The following FAM168A variants were observed in gnomAD, a reference collection of about 807,000 sequenced individuals.
FAM168A encodes family with sequence similarity 168 member A, also known as protein FAM168A.
Under a neutral mutation model 28.5 loss-of-function variants are expected in FAM168A, and 3 were observed. The observed-to-expected ratio is 0.11, with a 90% CI of 0.05 to 0.27. FAM168A has a LOEUF of 0.27. Ranked by LOEUF, FAM168A falls within the 10% of genes least tolerant of loss-of-function variation. FAM168A has a pLI of 1.00. For missense variants in FAM168A, 222 were observed against 311.5 expected (o/e 0.71, Z 2.16); for synonymous variants, 122 against 124.2 (o/e 0.98, Z 0.12).
chr11:73,561,697 G>C (rs914671843), intron 1 of FAM168A, among the ~76,000 whole-genome samples: 1 of 152,062 alleles, frequency 6.6e-6, no homozygotes, highest in Admixed American at 6.6e-5. Flanking sequence ...CATATAAGTA[G>C]AGTCATTCAC....
In FAM168A at chr11:73,406,513, G is replaced by C. The variant is rs1333865061; in HGVS notation, c.*250C>G. ...CATGGCCTGGTCAGGTAGGAGGAAG[G>C]GGATAGAGCTGGAAGGGCAGGGGCT... On this transcript the variant is annotated 3_prime_UTR_variant, in exon 8 of 8. Coordinates refer to ENST00000356467, the MANE Select transcript of FAM168A (RefSeq NM_015159.3). 4 of 152,460 alleles carry C rather than the reference G, an allele frequency of 2.6e-5. No individual in the cohort carries two copies. The highest frequency in any genetic ancestry group is 9.7e-5 in the African/African-American group (4 of 41,434). The allele number at this position is 152,460 out of a possible 1,614,324, so 9.4% of individuals were successfully genotyped here. A position where few individuals can be genotyped will look rare whatever the true frequency, so the allele number is the denominator to read the frequency against.
intron 1 of FAM168A, among the ~76,000 whole-genome samples, chr11:73,568,491 T>C (rs1003551994): frequency 1.6e-4 from 24 of 152,322 alleles, no homozygotes; most frequent in African/African-American, 5.5e-4. Context: ...GCAGGGCACA[T>C]GGAAAACCAA....
chr11:73,461,303 A>C (rs1867642914), intron 2 of FAM168A, among the ~76,000 whole-genome samples: 1 of 152,054 alleles, frequency 6.6e-6, no homozygotes, highest in South Asian at 2.1e-4. Context: ...TTTTTTATAG[A>C]GATGAGGTCT....
chr11:73,424,238 G>A (rs1426237133), intron 3 of FAM168A, among the ~76,000 whole-genome samples: 1 of 152,180 alleles, frequency 6.6e-6, no homozygotes, highest in African/African-American at 2.4e-5. Context: ...TCAATTTCCA[G>A]CATCCAAATA....
In FAM168A at chr11:73,501,970, G is replaced by A. The variant is rs923113217; in HGVS notation, c.-18-33478C>T. The stretch of plus-strand genomic sequence containing the variant: ...CAAAAAATTAGCCAGGTGTGGTGGC[G>A]GGCGCCTGTAGTCCCAGCTACTCAG... On this transcript the variant is annotated intron_variant, in intron 1 of 7. Transcript: ENST00000356467. 1.2e-4 allele frequency among the ~76,000 whole-genome samples: 19 copies of A among 152,038 alleles called. No individual in the cohort carries two copies. In the Middle Eastern group the frequency reaches 0.01, roughly 82 times the overall value.
intron 1 of FAM168A, among the ~76,000 whole-genome samples, chr11:73,475,560 T>A (rs867864577): frequency 6.6e-6 from 1 of 151,756 alleles, no homozygotes; most frequent in African/African-American, 2.4e-5. Flanking sequence ...CCAAAAGTAA[T>A]AGAAGGAGGT....
chr11:73,535,032 G>A (rs12276536), intron 1 of FAM168A, among the ~76,000 whole-genome samples: 46,992 of 152,058 alleles, frequency 0.31, 9,509 homozygotes, highest in African/African-American at 0.58. Context: ...GGATTCTTCC[G>A]GAGAATCTGA....
At chr11:73,578,147 T>C (rs565047464) in intron 1 of FAM168A, among the ~76,000 whole-genome samples, 3 of 152,288 alleles carry the variant, frequency 2.0e-5, no homozygotes, top group South Asian at 2.1e-4. Context: ...CAATGGTCCT[T>C]TGGGAAGATG....
chr11:73,428,619 T>C (rs1223525283), intron 3 of FAM168A, among the ~76,000 whole-genome samples: 1 of 152,240 alleles, frequency 6.6e-6, no homozygotes, highest in Non-Finnish European at 1.5e-5. Context: ...AAGTCATTTA[T>C]ATATCATGAT....
rs56294455 is a variant in FAM168A at position 73,445,419 on chromosome 11, C to CTTTTTTTTTTTTTTTTTT, written c.71-14667_71-14650dup. Among the ~76,000 whole-genome samples the CTTTTTTTTTTTTTTTTTT allele has an allele frequency of 5.7e-4, 29 of 50,456 alleles. 1 individual carries two copies. Among genetic ancestry groups the CTTTTTTTTTTTTTTTTTT allele is most frequent in the African/African-American group, 8.6e-4 (12 of 14,028 alleles). The allele number at this position is 50,456 out of a possible 152,430, so 33.1% of individuals were successfully genotyped here. On this transcript the variant is annotated intron_variant, in intron 2 of 7. Coordinates refer to ENST00000356467, the MANE Select transcript of FAM168A (RefSeq NM_015159.3). Reference sequence around the variant, plus strand: ...CCAGTAGATATATGTAAAAATGTCTCTTTTTTTTTTTTTTTTTTTTTTTTT... The same window carrying CTTTTTTTTTTTTTTTTTT: ...CCAGTAGATATATGTAAAAATGTCTCTTTTTTTTTTTTTTTTTTTTTTTTTTTTTTTTTTTTTTTTTTT...
chr11:73,470,461 C>T (rs1867798320), intron 1 of FAM168A, among the ~76,000 whole-genome samples: 1 of 152,124 alleles, frequency 6.6e-6, no homozygotes, highest in African/African-American at 2.4e-5. Flanking sequence ...ACCATTTTAA[C>T]AGTAATTAAG....
chr11:73,542,531 T>C (rs1943670782), intron 1 of FAM168A, among the ~76,000 whole-genome samples: 1 of 152,244 alleles, frequency 6.6e-6, no homozygotes, highest in Non-Finnish European at 1.5e-5. Flanking sequence ...GTCTTCATTA[T>C]TGTTTTTAAC....
At chr11:73,529,259 T>C (rs1327693937) in intron 1 of FAM168A, among the ~76,000 whole-genome samples, 1 of 152,208 alleles carries the variant, frequency 6.6e-6, no homozygotes, top group East Asian at 1.9e-4. Flanking sequence ...GAAAGGAAGG[T>C]GTTGCCTGTT....
intron 1 of FAM168A, among the ~76,000 whole-genome samples, chr11:73,496,712 C>G (rs1854885623): frequency 6.6e-6 from 1 of 152,168 alleles, no homozygotes; most frequent in Admixed American, 6.5e-5. Context: ...AGGCGCCCAC[C>G]ACCATGCCCG....
At chr11:73,460,063 G>C (rs1032147130) in intron 2 of FAM168A, among the ~76,000 whole-genome samples, 20 of 151,886 alleles carry the variant, frequency 1.3e-4, no homozygotes, top group Admixed American at 3.9e-4. Flanking sequence ...TGTATTTTTA[G>C]TAGAGACGGG....
At chr11:73,578,468 G>C (rs1944203150) in intron 1 of FAM168A, among the ~76,000 whole-genome samples, 1 of 152,058 alleles carries the variant, frequency 6.6e-6, no homozygotes, top group Non-Finnish European at 1.5e-5. Context: ...CAATGAAGCT[G>C]TTTAGGAGAA....
chr11:73,467,735 T>C (rs1318494948), intron 2 of FAM168A, among the ~76,000 whole-genome samples: 1 of 152,198 alleles, frequency 6.6e-6, no homozygotes, highest in Non-Finnish European at 1.5e-5. Context: ...CTTAAGTTGC[T>C]GGAACACTCT....
chr11:73,595,350 TAA>T (rs547128687), intron 1 of FAM168A, among the ~76,000 whole-genome samples: 2 of 148,246 alleles, frequency 1.3e-5, no homozygotes, highest in Non-Finnish European at 3.0e-5. Flanking sequence ...ATTTTGGAGC[TAA>T]AAAAAAAAGA....
At chr11:73,561,407 G>C (rs1943956905) in intron 1 of FAM168A, among the ~76,000 whole-genome samples, 1 of 151,886 alleles carries the variant, frequency 6.6e-6, no homozygotes. Flanking sequence ...TTCTCTCCTA[G>C]GCTTCCAAGA....
Sources: gnomAD v4.1 joint callset for allele counts (sites outside exome capture counted in the v4.1 genomes callset) on GRCh38, gnomAD v4.1.1 for gene constraint, MANE v1.5 for transcripts, NCBI Gene and HGNC (gene_info 2026-07-23, HGNC 2026-07-21) for gene names.